Variants in CSRNP3 observed in about 807,000 individuals in gnomAD.
The protein encoded by CSRNP3 is cysteine/serine-rich nuclear protein 3.
CSRNP3 carries 12 observed loss-of-function variants against 48.0 expected under a neutral mutation model. The ratio of observed to expected loss-of-function variants is 0.25; its 90% CI spans 0.16 to 0.41. The LOEUF (loss-of-function observed/expected upper bound fraction) is 0.41. Among genes scored for constraint, CSRNP3 ranks in the 10% least tolerant of loss-of-function variants. The pLI is 1.00. For synonymous variants in CSRNP3, 263 were observed against 269.7 expected (o/e 0.98, Z 0.24); for missense variants, 580 against 724.4 (o/e 0.80, Z 2.29).
At chr2:165,532,490 C>A (rs1286229728) in intron 3 of CSRNP3, among the ~76,000 whole-genome samples, 1 of 151,732 alleles carries the variant, frequency 6.6e-6, no homozygotes, top group Non-Finnish European at 1.5e-5. Context: ...GCAGAAAAGG[C>A]CTTTGACAAA....
At chr2:165,561,566 G>T (rs530281008) in intron 3 of CSRNP3, among the ~76,000 whole-genome samples, 3 of 152,106 alleles carry the variant, frequency 2.0e-5, no homozygotes, top group Admixed American at 2.0e-4. Flanking sequence ...TGCTCATTTG[G>T]ATTGTATTCT....
rs538371386 is a variant in CSRNP3, at chr2:165,688,885, T to A, written c.*9132T>A. On this transcript the variant is annotated 3_prime_UTR_variant, in exon 7 of 7. Transcript: ENST00000651982. ...TGATTAGTTTTATCTTTCAACTGAT[T>A]TTTATTGTTACTTTTACTCAATATC... 3.3e-5 allele frequency: 5 copies of A among 152,290 alleles called. No homozygotes were observed. The highest frequency in any genetic ancestry group is 2.1e-4 in the South Asian group (1 of 4,832). The allele number at this position is 152,290 out of a possible 1,614,324, so 9.4% of individuals were successfully genotyped here.
intron 4 of CSRNP3, among the ~76,000 whole-genome samples, chr2:165,623,356 T>G (rs577743408): frequency 1.9e-4 from 29 of 152,276 alleles, no homozygotes; most frequent in Admixed American, 5.9e-4. Context: ...CAGATCCTAT[T>G]GTGAACCGCT....
At chr2:165,500,356 TATAC>T (rs1338171843) in intron 2 of CSRNP3, among the ~76,000 whole-genome samples, 7 of 150,366 alleles carry the variant, frequency 4.7e-5, no homozygotes, top group East Asian at 3.9e-4. Flanking sequence ...TATGTATATG[TATAC>T]ATACATATAT....
chr2:165,664,924 T>A (rs924337911), intron 5 of CSRNP3, among the ~76,000 whole-genome samples: 7 of 152,202 alleles, frequency 4.6e-5, no homozygotes, highest in Non-Finnish European at 8.8e-5. Flanking sequence ...CTCTGCATTA[T>A]GATATAAACC....
At chr2:165,545,871 CA>C (rs1351229746) in intron 3 of CSRNP3, among the ~76,000 whole-genome samples, 2 of 152,056 alleles carry the variant, frequency 1.3e-5, no homozygotes, top group Non-Finnish European at 2.9e-5. Flanking sequence ...TACAATTAGT[CA>C]TTTCAAGTGA....
chr2:165,625,312 C>A (rs985489675), intron 4 of CSRNP3, among the ~76,000 whole-genome samples: 1 of 151,732 alleles, frequency 6.6e-6, no homozygotes, highest in African/African-American at 2.4e-5. Flanking sequence ...ATATACATAA[C>A]ATGTAGTTGT....
chr2:165,599,092 G>A (rs1034940634), intron 4 of CSRNP3, among the ~76,000 whole-genome samples: 5 of 151,678 alleles, frequency 3.3e-5, no homozygotes, highest in African/African-American at 9.7e-5. Context: ...AAGAAAAATA[G>A]CCAAGTATGG....
At chr2:165,554,189 A>G (rs1685135025) in intron 3 of CSRNP3, among the ~76,000 whole-genome samples, 4 of 150,902 alleles carry the variant, frequency 2.7e-5, no homozygotes, top group African/African-American at 7.3e-5. Flanking sequence ...AGGAAACCAC[A>G]CTCCTGTTTT....
At chr2:165,550,961 T>C (rs1173213007) in intron 3 of CSRNP3, among the ~76,000 whole-genome samples, 1 of 152,118 alleles carries the variant, frequency 6.6e-6, no homozygotes, top group Admixed American at 6.6e-5. Flanking sequence ...CACCTCCCCT[T>C]CCAAAGAAGA....
chr2:165,617,524 A>G (rs773796048), intron 4 of CSRNP3, among the ~76,000 whole-genome samples: 65 of 152,244 alleles, frequency 4.3e-4, no homozygotes, highest in Non-Finnish European at 7.9e-4. Context: ...AGGCAGGACA[A>G]TCCTCAGGCC....
chr2:165,602,928 G>A (rs929201442), intron 4 of CSRNP3, among the ~76,000 whole-genome samples: 7 of 151,106 alleles, frequency 4.6e-5, no homozygotes, highest in Non-Finnish European at 5.9e-5. Flanking sequence ...ACAGAGTCTC[G>A]CTGTCGCCCA....
intron 3 of CSRNP3, among the ~76,000 whole-genome samples, chr2:165,520,786 TA>T (rs1684645407): frequency 6.1e-4 from 3 of 4,894 alleles, no homozygotes; most frequent in Non-Finnish European, 1.1e-3. Context: ...ATATATATTA[TA>T]TATATATATA....
chr2:165,579,921 CTTTTTTTTTTT>C (rs147087270), intron 3 of CSRNP3, among the ~76,000 whole-genome samples: 1 of 70,550 alleles, frequency 1.4e-5, no homozygotes, highest in Non-Finnish European at 2.6e-5. Context: ...CATGACTCTA[CTTTTTTTTTTT>C]TTTTTTTTTT....
intron 3 of CSRNP3, among the ~76,000 whole-genome samples, chr2:165,558,420 A>G (rs1417793179): frequency 6.6e-6 from 1 of 152,218 alleles, no homozygotes; most frequent in Non-Finnish European, 1.5e-5. Flanking sequence ...TTATCGTGGC[A>G]TGTATATTTT....
At chr2:165,648,607 T>C (rs1329477343) in intron 4 of CSRNP3, among the ~76,000 whole-genome samples, 3 of 152,226 alleles carry the variant, frequency 2.0e-5, no homozygotes, top group Non-Finnish European at 4.4e-5. Flanking sequence ...ATATGGTATG[T>C]CTTGCTTTTG....
At chr2:165,665,891 AGGAG>A in intron 5 of CSRNP3, among the ~76,000 whole-genome samples, 1 of 146,904 alleles carries the variant, frequency 6.8e-6, no homozygotes, top group East Asian at 2.1e-4. Context: ...AGAGGAAGGA[AGGAG>A]GGAGGGAAGG....
At chr2:165,501,734 G>A (rs996844046) in intron 2 of CSRNP3, among the ~76,000 whole-genome samples, 9 of 152,016 alleles carry the variant, frequency 5.9e-5, no homozygotes, top group East Asian at 1.9e-4. Flanking sequence ...TTCATCTTAA[G>A]TATAACGTGA....
At chr2:165,492,323 A>G (rs1363230313) in intron 1 of CSRNP3, among the ~76,000 whole-genome samples, 2 of 152,212 alleles carry the variant, frequency 1.3e-5, no homozygotes, top group African/African-American at 2.4e-5. Context: ...AAGTACCTGT[A>G]GTGGCTTTCA....
Sources: allele counts gnomAD v4.1 joint callset (sites outside exome capture counted in the v4.1 genomes callset), GRCh38; gene constraint gnomAD v4.1.1; transcripts MANE v1.5; gene names NCBI Gene and HGNC (gene_info 2026-07-23, HGNC 2026-07-21).